The following ASAP3 variants were observed in gnomAD, a reference collection of about 807,000 sequenced individuals.
The protein encoded by ASAP3 is arf-GAP with SH3 domain, ANK repeat and PH domain-containing protein 3.
A neutral mutation model predicts 118.2 loss-of-function variants in ASAP3; 85 were observed. That is an observed-to-expected ratio of 0.72 (90% CI 0.60 to 0.86). The LOEUF (loss-of-function observed/expected upper bound fraction) is 0.86, where lower values mean the gene tolerates loss of function less well. ASAP3 is among the 40% of genes least tolerant of loss of function. The pLI is 0.00. For missense variants in ASAP3, 1,026 were observed against 1,175.0 expected, an observed-to-expected ratio of 0.87 and a Z score of 1.85; for synonymous variants, 432 against 477.4, an observed-to-expected ratio of 0.90 and a Z score of 1.24.
Position 23,436,728 on chromosome 1 carries a change from GC to G in ASAP3, c.1477-75del. 1 of 1,590,486 alleles carries G rather than the reference GC, an allele frequency of 6.3e-7. No individual in the cohort carries two copies. The highest frequency in any genetic ancestry group is 2.2e-5 in the East Asian group (1 of 44,688). ...AAGCCTGCATAGGGTGGAGCTCCAA[GC>G]CCCCAGAGTCCCGCCCCTCGGCCGC... On this transcript the variant is annotated intron_variant, in intron 15 of 24. Transcript: ENST00000336689. The surrounding 1 kb of genome is among the most constrained non-coding windows in gnomAD (Gnocchi z 4.2).
intron 7 of ASAP3, 134 bp downstream of exon 7, chr1:23,442,052 C>A (rs1278827015): frequency 2.1e-6 from 2 of 940,452 alleles, no homozygotes; most frequent in Non-Finnish European, 3.3e-6. Flanking sequence ...GGTGAGCACT[C>A]AATGAGGAAC....
rs545976074 is a variant in ASAP3, at chr1:23,456,533, G to A, written c.130-339C>T. On this transcript the variant is annotated intron_variant, in intron 1 of 24. Coordinates refer to ENST00000336689, the MANE Select transcript of ASAP3 (RefSeq NM_017707.4). ...GCCTCTGGCAGTAGCTGGTGTGTCC[G>A]TTAGACAAATCTGTTAACTTCTCTG... Among the ~76,000 whole-genome samples, 11 of 152,312 alleles carry A rather than the reference G, an allele frequency of 7.2e-5. No individual in the cohort carries two copies. The South Asian group carries it at 8.3e-4, about 11-fold the overall frequency.
intron 1 of ASAP3, among the ~76,000 whole-genome samples, chr1:23,482,976 G>C (rs540505466): frequency 6.6e-6 from 1 of 151,368 alleles, no homozygotes; most frequent in African/African-American, 2.4e-5. Flanking sequence ...AAAGAAAAAA[G>C]GTCTGCCTTC....
intron 10 of ASAP3, 32 bp from the exon 11 acceptor site, chr1:23,439,262 C>T (rs1640783009): frequency 6.2e-7 from 1 of 1,607,106 alleles, no homozygotes; most frequent in Non-Finnish European, 8.5e-7. Flanking sequence ...GGACAGTGAC[C>T]CAAGGCTCAC....
chr1:23,483,143 C>T (rs1642364943), intron 1 of ASAP3, among the ~76,000 whole-genome samples: 1 of 152,200 alleles, frequency 6.6e-6, no homozygotes, highest in Non-Finnish European at 1.5e-5. Flanking sequence ...ATCTGCCACG[C>T]AGTGGGTGCC....
At chr1:23,464,659 T>TAAAAAAAAAAA (rs57655847) in intron 1 of ASAP3, among the ~76,000 whole-genome samples, 1 of 47,082 alleles carries the variant, frequency 2.1e-5, no homozygotes, top group African/African-American at 1.0e-4. Context: ...GACACTGTCT[T>TAAAAAAAAAAA]AAAAAAAAAA....
intron 1 of ASAP3, among the ~76,000 whole-genome samples, chr1:23,456,417 A>C (rs1319434330): frequency 6.6e-6 from 1 of 152,194 alleles, no homozygotes; most frequent in Non-Finnish European, 1.5e-5. Flanking sequence ...AGAAGACCAC[A>C]GACTTTTCTC....
chr1:23,481,130 C>A (rs1208026426), intron 1 of ASAP3, among the ~76,000 whole-genome samples: 1 of 152,164 alleles, frequency 6.6e-6, no homozygotes, highest in African/African-American at 2.4e-5. Context: ...CCTCTCTGGA[C>A]ATCAGTTACT....
At chr1:23,469,817 T>C (rs74996577) in intron 1 of ASAP3, among the ~76,000 whole-genome samples, 1,708 of 152,296 alleles carry the variant, frequency 0.011, 36 homozygotes, top group African/African-American at 0.038. Flanking sequence ...CTCAAGGTCA[T>C]GTAGGAAGTT....
At position 23,437,390 on chromosome 1, in the gene ASAP3, C is replaced by G. The variant is rs2148610949; in HGVS notation, c.1151+34G>C. On this transcript the variant is annotated intron_variant, in intron 13 of 24. Transcript: ENST00000336689. The surrounding 1 kb of genome is among the most constrained non-coding windows in gnomAD (Gnocchi z 6.1). ...AGATAGGGCCGCCGGCCCCCACCCA[C>G]AAGGCTGGCCGGGCTGGCCGAGGGG... 1 of 1,612,186 alleles carries G rather than the reference C, an allele frequency of 6.2e-7. No individual in the cohort carries two copies. Among genetic ancestry groups the G allele is most frequent in the East Asian group, 2.2e-5 (1 of 44,836 alleles).
chr1:23,474,142 A>AT (rs1237818704), intron 1 of ASAP3, among the ~76,000 whole-genome samples: 1 of 151,418 alleles, frequency 6.6e-6, no homozygotes. Context: ...TAATTTTTGT[A>AT]TTTTTAGTAG....
chr1:23,481,568 C>A (rs913327473), intron 1 of ASAP3, among the ~76,000 whole-genome samples: 3 of 152,158 alleles, frequency 2.0e-5, no homozygotes, highest in Non-Finnish European at 4.4e-5. Context: ...GTGCCGCAAG[C>A]CTTTCTGTTG....
Position 23,472,075 on chromosome 1 carries a change from C to T in ASAP3, c.129+11930G>A, listed in dbSNP as rs567639439. 3.9e-5 allele frequency among the ~76,000 whole-genome samples: 6 copies of T among 152,096 alleles called. No individual in the cohort carries two copies. The East Asian group carries it at 1.2e-3, about 29-fold the overall frequency. On this transcript the variant is annotated intron_variant, in intron 1 of 24. Transcript: ENST00000336689. The stretch of plus-strand genomic sequence containing the variant: ...ATAGAGATGGAAAGTTGTCGGGGGC[C>T]GGGGAAAAGGAGTGGAGAGTAACTA...
intron 1 of ASAP3, among the ~76,000 whole-genome samples, chr1:23,460,648 C>T (rs771572129): frequency 2.6e-5 from 4 of 152,132 alleles, no homozygotes; most frequent in Non-Finnish European, 5.9e-5. Context: ...GGTACAGCCA[C>T]TTCGGAAGAC....
At chr1:23,484,446 C>A (rs1476736771), upstream of ASAP3, 15 of 198,238 alleles carry the variant, frequency 7.6e-5, no homozygotes, top group African/African-American at 2.9e-4. Flanking sequence ...CCGCCTCAGA[C>A]CCCGCCCCCT....
rs1167001974 is a variant in ASAP3 at position 23,451,486 on chromosome 1, C to A, written c.466G>T (p.Ala156Ser). 1 of 1,614,104 alleles carries A rather than the reference C, an allele frequency of 6.2e-7. No individual in the cohort carries two copies. ...CTGGCTGTGGCCACTTACATTTTGG[C>A]TTCATAGTCCTTCCATGCCTTCTCC... ...QLEKAWKDYE[A>S]KMAKLEKERD... Residue 156 changes from alanine to serine, a missense_variant, in exon 5 of 25, where the codon GCC (alanine) becomes TCC (serine). Physicochemically the swap from Ala to Ser is moderately conservative, Grantham distance 99. Coordinates refer to ENST00000336689, the MANE Select transcript of ASAP3 (RefSeq NM_017707.4).
chr1:23,484,473 C>G (rs1189616465), upstream of ASAP3: 1 of 182,448 alleles, frequency 5.5e-6, no homozygotes, highest in Non-Finnish European at 1.1e-5. Context: ...ATGCCCCACC[C>G]CTGGCCTCAG....
Position 23,436,850 on chromosome 1 carries a change from C to T in ASAP3, c.1476+61G>A, listed in dbSNP as rs575836467. The T allele has an allele frequency of 1.6e-5, 25 of 1,579,344 alleles. No individual in the cohort carries two copies. The African/African-American group carries it at 2.3e-4, about 14-fold the overall frequency. On this transcript the variant is annotated intron_variant, in intron 15 of 24. Coordinates refer to ENST00000336689, the MANE Select transcript of ASAP3 (RefSeq NM_017707.4). The surrounding 1 kb of genome is among the most constrained non-coding windows in gnomAD (Gnocchi z 4.2). The stretch of plus-strand genomic sequence containing the variant: ...ACCCACAACCTGCAAGCCCCGCCCC[C>T]GGATGAAACTACACCCCTAACTCCG...
intron 3 of ASAP3, among the ~76,000 whole-genome samples, chr1:23,455,364 C>CG (rs1641348657): frequency 6.6e-6 from 1 of 152,158 alleles, no homozygotes; most frequent in African/African-American, 2.4e-5. Flanking sequence ...AGGAGGCCAT[C>CG]GGGAAGCAAC....
Sources: gnomAD v4.1 joint callset for allele counts (sites outside exome capture counted in the v4.1 genomes callset) on GRCh38, gnomAD v4.1.1 for gene constraint, Gnocchi (gnomAD v3.1) non-coding constraint, MANE v1.5 for transcripts, NCBI Gene and HGNC (gene_info 2026-07-23, HGNC 2026-07-21) for gene names.